The following RNF31 variants were observed in gnomAD, a reference collection of about 807,000 sequenced individuals.
RNF31 encodes ring finger protein 31.
In RNF31, 38 loss-of-function variants were observed where a neutral mutation model predicts 133.6. The ratio of observed to expected loss-of-function variants is 0.28; its 90% CI spans 0.22 to 0.37. The LOEUF (loss-of-function observed/expected upper bound fraction) is 0.37. RNF31 is among the 10% of genes least tolerant of loss of function. The probability of loss-of-function intolerance (pLI) is 1.00; values close to 1 mark genes in which losing one functional copy is unlikely to be tolerated. For synonymous variants in RNF31, 582 were observed against 552.3 expected, an observed-to-expected ratio of 1.05 and a Z score of -0.75; for missense variants, 1,118 against 1,394.1, an observed-to-expected ratio of 0.80 and a Z score of 3.15.
chr14:24,154,928 A>G (rs1476331945), intron 11 of RNF31: 2 of 563,350 alleles, frequency 3.6e-6, no homozygotes, highest in Non-Finnish European at 6.3e-6. Context: ...GAATGTTTTT[A>G]TAGGCACTTT....
Position 24,151,468 on chromosome 14 carries a change from C to G in RNF31, c.1738-17C>G, listed in dbSNP as rs778534992. ...TGCTTTCCCACTTCATTCCCCCTTG[C>G]CACTCCCATCTTGCAGGTGCAGGAG... On this transcript the variant is annotated splice_polypyrimidine_tract_variant and intron_variant, in intron 9 of 20. Coordinates refer to ENST00000324103, the MANE Select transcript of RNF31 (RefSeq NM_017999.5). The surrounding 1 kb of genome is among the most constrained non-coding windows in gnomAD (Gnocchi z 5.3). 17 of 1,613,816 alleles carry G rather than the reference C, an allele frequency of 1.1e-5. No individual in the cohort carries two copies. The highest frequency in any genetic ancestry group is 1.4e-5 in the Non-Finnish European group (17 of 1,179,730).
chr14:24,152,363 T>C (rs2038279225), intron 11 of RNF31, among the ~76,000 whole-genome samples: 1 of 152,212 alleles, frequency 6.6e-6, no homozygotes, highest in Admixed American at 6.5e-5. Flanking sequence ...ATATCAGGCA[T>C]AATATAGTTT....
At position 24,159,968 on chromosome 14, in the gene RNF31, C is replaced by T. The variant is rs370952355; in HGVS notation, c.2996+8C>T. 1.9e-6 allele frequency: 3 copies of T among 1,611,716 alleles called. No individual in the cohort carries two copies. Among genetic ancestry groups the T allele is most frequent in the African/African-American group, 2.7e-5 (2 of 75,034 alleles). On this transcript the variant is annotated splice_region_variant and intron_variant, in intron 19 of 20. Transcript: ENST00000324103. ...CTATGCCGGCCTGTGCCAGTGAGTGCCAGCAGGACATGGGCATGGTGTTGG... is the reference window on the plus strand; with the variant it reads ...CTATGCCGGCCTGTGCCAGTGAGTGTCAGCAGGACATGGGCATGGTGTTGG...
In RNF31 at chr14:24,148,686, C is replaced by T. The variant is rs774641608; in HGVS notation, c.540C>T (p.Asp180=). 37 of 1,614,020 alleles carry T rather than the reference C, an allele frequency of 2.3e-5. No individual in the cohort carries two copies. The highest frequency in any genetic ancestry group is 2.8e-5 in the Non-Finnish European group (33 of 1,180,022). The change falls in exon 4 of 21, where the codon GAC becomes GAT. Residue 180 remains aspartate (D), a synonymous_variant. Coordinates refer to ENST00000324103, the MANE Select transcript of RNF31 (RefSeq NM_017999.5). ...AGGCACTGGAGCAGCTGTTGGAAGA[C>T]AAGGTTGAAGATGATGTAAGGAAGG... ...RQQALEQLLE[D]KVEDDMLQLS...
intron 18 of RNF31, 94 bp from the exon 19 acceptor site, chr14:24,159,770 G>A: frequency 1.0e-6 from 1 of 978,760 alleles, no homozygotes; most frequent in Non-Finnish European, 1.6e-6. Context: ...TCCCTTCCTT[G>A]GAGGCTGCCT....
intron 18 of RNF31, chr14:24,158,470 A>G: frequency 1.9e-6 from 1 of 519,866 alleles, no homozygotes; most frequent in African/African-American, 1.9e-5. Flanking sequence ...GATCATAATT[A>G]ATTAATTAGT....
At chr14:24,157,735 AG>A (rs2038366390) in intron 16 of RNF31, 97 bp downstream of exon 16, 4 of 1,180,942 alleles carry the variant, frequency 3.4e-6, no homozygotes, top group Non-Finnish European at 5.0e-6. Flanking sequence ...GGAAGAGAAG[AG>A]GTCAACGGGA....
In RNF31 at chr14:24,150,712, C is replaced by T. The variant is rs1168568811; in HGVS notation, c.1312C>T (p.Pro438Ser). The change falls in exon 8 of 21, where the codon CCC (proline) becomes TCC (serine). Residue 438 changes from proline to serine, a missense_variant. By Grantham distance (74) the Pro-to-Ser change is moderately conservative. Transcript: ENST00000324103. Reference protein sequence around the residue: ...VCVMCNRTSSPIPAQHAPRPY... With the variant: ...VCVMCNRTSSSIPAQHAPRPY... ...TGTTATGTGCAACCGGACTAGTAGCCCCATTCCAGCACAACATGCCCCCCG... is the reference window on the plus strand; with the variant it reads ...TGTTATGTGCAACCGGACTAGTAGCTCCATTCCAGCACAACATGCCCCCCG... 2 of 1,614,222 alleles carry T rather than the reference C, an allele frequency of 1.2e-6. No individual in the cohort carries two copies. The highest frequency in any genetic ancestry group is 1.3e-5 in the African/African-American group (1 of 75,054).
rs376360003 is a variant in RNF31, at chr14:24,151,880, A to G, written c.2018A>G (p.Tyr673Cys). 2 of 1,614,066 alleles carry G rather than the reference A, an allele frequency of 1.2e-6. No individual in the cohort carries two copies. Among genetic ancestry groups the G allele is most frequent in the African/African-American group, 1.3e-5 (1 of 74,942 alleles). The change falls in exon 11 of 21, where the codon TAT becomes TGT. Residue 673 changes from tyrosine (Y) to cysteine (C), a missense_variant. Coordinates refer to ENST00000324103, the MANE Select transcript of RNF31 (RefSeq NM_017999.5). The surrounding 1 kb of genome is among the most constrained non-coding windows in gnomAD (Gnocchi z 5.3). Reference protein sequence around the residue: ...LSLLQETPRNYELGDVVEAVR... With the variant: ...LSLLQETPRNCELGDVVEAVR... The stretch of plus-strand genomic sequence containing the variant: ...CTGCTGCAGGAGACACCCAGGAACT[A>G]TGAGTTGGGGGATGTGGTAGAAGCT...
Position 24,151,361 on chromosome 14 carries a change from G to A in RNF31, c.1719G>A (p.Val573=), listed in dbSNP as rs781000373. 5 of 1,614,222 alleles carry A rather than the reference G, an allele frequency of 3.1e-6. No individual in the cohort carries two copies. Among genetic ancestry groups the A allele is most frequent in the Non-Finnish European group, 4.2e-6 (5 of 1,180,040 alleles). ...TTGATGAAGCTGTGGAGGAGTGTGT[G>A]AGGACCAGGCGAAGGAAGGTATCAG... is the stretch of plus-strand genomic sequence containing the variant. The part of the protein sequence containing the change: ...GNLDEAVEEC[V]RTRRRKVQEL... Residue 573 remains valine (V), a synonymous_variant, in exon 9 of 21, where the codon GTG becomes GTA. Coordinates refer to ENST00000324103, the MANE Select transcript of RNF31 (RefSeq NM_017999.5). The surrounding 1 kb of genome is among the most constrained non-coding windows in gnomAD (Gnocchi z 5.3).
chr14:24,153,360 C>T (rs764707690), intron 11 of RNF31, among the ~76,000 whole-genome samples: 6 of 151,890 alleles, frequency 4.0e-5, no homozygotes, highest in Admixed American at 6.6e-5. Flanking sequence ...GGGTGGATCA[C>T]GAGGTCAAGA....
At chr14:24,149,229 C>G in intron 5 of RNF31, 177 bp from the exon 6 acceptor site, 3 of 673,624 alleles carry the variant, frequency 4.5e-6, no homozygotes, top group Non-Finnish European at 7.4e-6. Context: ...TCCCAAAGTG[C>G]TAAGATTACC....
At position 24,155,317 on chromosome 14, in the gene RNF31, C is replaced by A. The variant is rs2038325715; in HGVS notation, c.2291C>A (p.Thr764Asn). The A allele has an allele frequency of 6.2e-7, 1 of 1,614,224 alleles. No individual in the cohort carries two copies. The highest frequency in any genetic ancestry group is 8.5e-7 in the Non-Finnish European group (1 of 1,180,038). ...ACACAGTTGCTCAGCTACTTCTCTA[C>A]CCTTGACATCCAGGTACTGCAGCCC... ...DDTQLLSYFSTLDIQLRESLE... is the reference protein window; with the variant it reads ...DDTQLLSYFSNLDIQLRESLE... Residue 764 changes from threonine (T) to asparagine (N), a missense_variant, in exon 12 of 21, where the codon ACC becomes AAC. This residue lies in a region of RNF31 where 201 missense variants were observed against 371.7 expected (regional missense o/e 0.54). Coordinates refer to ENST00000324103, the MANE Select transcript of RNF31 (RefSeq NM_017999.5). The surrounding 1 kb of genome is among the most constrained non-coding windows in gnomAD (Gnocchi z 4.9).
Position 24,149,441 on chromosome 14 carries a change from G to A in RNF31, c.667G>A (p.Ala223Thr). 6.2e-7 allele frequency: 1 copy of A among 1,614,128 alleles called. No homozygotes were observed. The highest frequency in any genetic ancestry group is 1.7e-5 in the Admixed American group (1 of 60,022). ...TPGPCFLCGS[A>T]PGTLHCPSCK... ...TGGTCCCTGCTTCCTCTGTGGTTCT[G>A]CCCCAGGCACACTGCACTGCCCATC... is the stretch of plus-strand genomic sequence containing the variant. Residue 223 changes from alanine to threonine, a missense_variant, in exon 6 of 21, where the codon GCC (alanine) becomes ACC (threonine). This residue lies in a region of RNF31 where 747 missense variants were observed against 827.9 expected (regional missense o/e 0.90). Coordinates refer to ENST00000324103, the MANE Select transcript of RNF31 (RefSeq NM_017999.5).
Position 24,148,870 on chromosome 14 carries a change from G to C in RNF31, c.625G>C (p.Val209Leu). ...TCCTGGCCCCCTCACCACACCCTCT[G>C]TCCCAGGTATTATTGGTCCTAAATT... The part of the protein sequence containing the change: ...IAPGPLTTPS[V>L]PGSTPGPCFL... Residue 209 changes from valine to leucine, a missense_variant, in exon 5 of 21, where the codon GTC (valine) becomes CTC (leucine). Val to Leu is a conservative substitution (Grantham distance 32, BLOSUM62 1). Around this residue, in one of 3 missense-constraint regions of RNF31, gnomAD observed 747 missense variants for 827.9 expected, o/e 0.90. Coordinates refer to ENST00000324103, the MANE Select transcript of RNF31 (RefSeq NM_017999.5). 1.9e-6 allele frequency: 3 copies of C among 1,613,918 alleles called. No homozygotes were observed. The highest frequency in any genetic ancestry group is 2.5e-6 in the Non-Finnish European group (3 of 1,179,802).
chr14:24,151,018 G>C lies in RNF31; in HGVS notation c.1489-113G>C. The C allele has an allele frequency of 1.3e-6, 2 of 1,534,352 alleles. No individual in the cohort carries two copies. Among genetic ancestry groups the C allele is most frequent in the Non-Finnish European group, 1.8e-6 (2 of 1,133,626 alleles). Reference sequence around the variant, plus strand: ...GCCTGTTACTGAGGCAGTTACCATTGCTGTACACTGATGACATGATCCATA... The same window carrying C: ...GCCTGTTACTGAGGCAGTTACCATTCCTGTACACTGATGACATGATCCATA... On this transcript the variant is annotated intron_variant, in intron 8 of 20. Transcript: ENST00000324103. This position sits in a 1 kb window ranked among gnomAD's most constrained non-coding sequence, Gnocchi z 5.3.
intron 18 of RNF31, among the ~76,000 whole-genome samples, 159 bp downstream of exon 18, chr14:24,158,358 G>A (rs2038378516): frequency 6.6e-6 from 1 of 152,246 alleles, no homozygotes; most frequent in African/African-American, 2.4e-5. Context: ...TAAAATGGAG[G>A]TAGTATCCAC....
intron 11 of RNF31, among the ~76,000 whole-genome samples, chr14:24,154,099 A>G (rs1413929608): frequency 4.6e-5 from 7 of 151,544 alleles, no homozygotes; most frequent in Non-Finnish European, 1.0e-4. Flanking sequence ...GGTTCAAGCG[A>G]TTCTCCTGTC....
In RNF31 at chr14:24,147,797, G is replaced by T; in HGVS notation, c.99G>T (p.Gln33His). The change falls in exon 1 of 21, where the codon CAG (glutamine) becomes CAT (histidine). Residue 33 changes from glutamine (Q) to histidine (H), a missense_variant. Physicochemically the swap from Gln to His is conservative, Grantham distance 24. Transcript: ENST00000324103. ...RDSGQAFSLE[Q>H]LRPLLASSLP... ...CCGGGCAGGCGTTTTCCCTGGAGCA[G>T]CTCCGGCCGCTACTAGCCAGCTCTC... is the stretch of plus-strand genomic sequence containing the variant. The T allele has an allele frequency of 1.3e-6, 2 of 1,594,550 alleles. No homozygotes were observed. Among genetic ancestry groups the T allele is most frequent in the Non-Finnish European group, 1.7e-6 (2 of 1,172,880 alleles).
Sources: gnomAD v4.1 joint callset for allele counts (sites outside exome capture counted in the v4.1 genomes callset) on GRCh38, gnomAD v4.1.1 for gene constraint, gnomAD v4.1.1 regional missense constraint, Gnocchi (gnomAD v3.1) non-coding constraint, MANE v1.5 for transcripts, NCBI Gene and HGNC (gene_info 2026-07-23, HGNC 2026-07-21) for gene names.